Variants in PDE3A observed in about 807,000 individuals in gnomAD.
PDE3A encodes the protein phosphodiesterase 3A.
A neutral mutation model predicts 98.3 loss-of-function variants in PDE3A; 43 were observed. The observed-to-expected ratio is 0.44, with a 90% CI of 0.34 to 0.56. The LOEUF is 0.56. Ranked by LOEUF, PDE3A falls within the 20% of genes least tolerant of loss-of-function variation. The probability of loss-of-function intolerance (pLI) is 0.01; values close to 1 mark genes in which losing one functional copy is unlikely to be tolerated. For synonymous variants in PDE3A, 663 were observed against 567.9 expected (o/e 1.17, Z -2.38); for missense variants, 1,427 against 1,440.7 (o/e 0.99, Z 0.15).
intron 1 of PDE3A, among the ~76,000 whole-genome samples, chr12:20,501,669 T>TA (rs1303740555): frequency 6.6e-6 from 1 of 152,188 alleles, no homozygotes; most frequent in African/African-American, 2.4e-5. Context: ...TGAGTACTTA[T>TA]AAAAAATGAA....
chr12:20,472,054 A>G (rs779787123), intron 1 of PDE3A, among the ~76,000 whole-genome samples: 15 of 152,128 alleles, frequency 9.9e-5, no homozygotes, highest in Non-Finnish European at 1.9e-4. Context: ...CTTAAGGCTT[A>G]TGGTTCCTTG....
intron 1 of PDE3A, among the ~76,000 whole-genome samples, chr12:20,540,424 A>G (rs1459911557): frequency 6.6e-6 from 1 of 152,106 alleles, no homozygotes; most frequent in Non-Finnish European, 1.5e-5. Flanking sequence ...TATACTTTGC[A>G]TATAATTTAT....
chr12:20,552,800 G>T lies in PDE3A; in HGVS notation c.961-3860G>T. ...AGTAAAGTGGAGGAGACGTTCCAGT[G>T]TATCTGCTGTCAGGAGCTGGTGTTC... On this transcript the variant is annotated intron_variant, in intron 1 of 15. Coordinates refer to ENST00000359062, the MANE Select transcript of PDE3A (RefSeq NM_000921.5). The surrounding 1 kb of genome is among the most constrained non-coding windows in gnomAD (Gnocchi z 5.1). 3 of 1,614,024 alleles carry T rather than the reference G, an allele frequency of 1.9e-6. No homozygotes were observed. Among genetic ancestry groups the T allele is most frequent in the Non-Finnish European group, 2.5e-6 (3 of 1,179,892 alleles).
Position 20,601,623 on chromosome 12 carries a change from C to T in PDE3A, c.1012-11820C>T, listed in dbSNP as rs568367905. ...AATATGTCTTATAAAAATTGAGAAACGTAACAACTAAAATGTTTGCAACTT... is the reference window on the plus strand; with the variant it reads ...AATATGTCTTATAAAAATTGAGAAATGTAACAACTAAAATGTTTGCAACTT... On this transcript the variant is annotated intron_variant, in intron 2 of 15. Coordinates refer to ENST00000359062, the MANE Select transcript of PDE3A (RefSeq NM_000921.5). Among the ~76,000 whole-genome samples, 19 of 152,124 alleles carry T rather than the reference C, an allele frequency of 1.2e-4. No individual in the cohort carries two copies. In the East Asian group the frequency reaches 2.3e-3, roughly 19 times the overall value.
At chr12:20,676,498 CTTT>C (rs60887487) in intron 15 of PDE3A, among the ~76,000 whole-genome samples, 4,249 of 109,148 alleles carry the variant, frequency 0.039, 90 homozygotes, top group Middle Eastern at 0.26. Flanking sequence ...ATGTCTTTGA[CTTT>C]TTTTTTTTTT....
intron 15 of PDE3A, among the ~76,000 whole-genome samples, chr12:20,659,215 TTTAATAA>T (rs1325470052): frequency 6.6e-6 from 1 of 152,190 alleles, no homozygotes; most frequent in Non-Finnish European, 1.5e-5. Flanking sequence ...ACTCATTCAA[TTTAATAA>T]TTGTCATTCT....
intron 1 of PDE3A, among the ~76,000 whole-genome samples, chr12:20,440,237 T>G (rs528334775): frequency 6.6e-6 from 1 of 152,260 alleles, no homozygotes; most frequent in Admixed American, 6.5e-5. Flanking sequence ...AAGGAATAGT[T>G]AGGATTTAAT....
At chr12:20,635,088 CT>C in intron 8 of PDE3A, 32 bp downstream of exon 8, 1 of 1,567,960 alleles carries the variant, frequency 6.4e-7, no homozygotes, top group Non-Finnish European at 8.7e-7. Context: ...CACTCATTTA[CT>C]TGAGAGATGA....
rs559631791 is a variant in PDE3A, at chr12:20,684,292, C to A, written c.*4021C>A. ...TGGAAACCTCAATAAGGGTCTTGTC[C>A]TCTTCTGTCATCCTAACCCTGATTC... On this transcript the variant is annotated 3_prime_UTR_variant, in exon 16 of 16. Transcript: ENST00000359062. The A allele has an allele frequency of 6.6e-6, 1 of 152,154 alleles. No individual in the cohort carries two copies. The highest frequency in any genetic ancestry group is 1.5e-5 in the Non-Finnish European group (1 of 67,970). The allele number at this position is 152,154 out of a possible 1,614,324, so 9.4% of individuals were successfully genotyped here.
chr12:20,598,102 T>G (rs1479099531), intron 2 of PDE3A, among the ~76,000 whole-genome samples: 1 of 152,076 alleles, frequency 6.6e-6, no homozygotes, highest in African/African-American at 2.4e-5. Context: ...GTTTGAAAAC[T>G]TTATTATTCG....
intron 1 of PDE3A, among the ~76,000 whole-genome samples, chr12:20,394,607 G>A (rs901465586): frequency 6.6e-6 from 1 of 152,042 alleles, no homozygotes; most frequent in Non-Finnish European, 1.5e-5. Context: ...GATATCAGAT[G>A]CTACATATTC....
chr12:20,373,256 G>T (rs1269335163), intron 1 of PDE3A, among the ~76,000 whole-genome samples: 1 of 152,000 alleles, frequency 6.6e-6, no homozygotes, highest in Non-Finnish European at 1.5e-5. Flanking sequence ...TTTTTTGGCT[G>T]CCAGTGTTAA....
intron 1 of PDE3A, among the ~76,000 whole-genome samples, chr12:20,376,645 T>G (rs1385036502): frequency 2.0e-5 from 3 of 151,914 alleles, no homozygotes; most frequent in Admixed American, 2.0e-4. Flanking sequence ...ATTTTCAATA[T>G]GTTTATTTTT....
chr12:20,506,372 G>A (rs1384271368), intron 1 of PDE3A, among the ~76,000 whole-genome samples: 1 of 151,942 alleles, frequency 6.6e-6, no homozygotes. Flanking sequence ...ATAACAGTCT[G>A]TATAATTTTG....
chr12:20,564,368 T>G (rs1339338882), intron 2 of PDE3A, among the ~76,000 whole-genome samples: 1 of 151,740 alleles, frequency 6.6e-6, no homozygotes, highest in Non-Finnish European at 1.5e-5. Flanking sequence ...CTTGACACTT[T>G]ATGTAGGAAA....
chr12:20,619,219 T>C (rs1360337691), intron 4 of PDE3A, among the ~76,000 whole-genome samples: 1 of 152,040 alleles, frequency 6.6e-6, no homozygotes, highest in East Asian at 1.9e-4. Flanking sequence ...TTTAGTGTAT[T>C]AAGAATGTGA....
At chr12:20,429,184 T>C (rs560320190) in intron 1 of PDE3A, among the ~76,000 whole-genome samples, 61 of 152,196 alleles carry the variant, frequency 4.0e-4, no homozygotes, top group Non-Finnish European at 8.2e-4. Flanking sequence ...ATGAAATACA[T>C]AACATAGTGA....
At chr12:20,377,106 T>C (rs961243621) in intron 1 of PDE3A, among the ~76,000 whole-genome samples, 1 of 151,808 alleles carries the variant, frequency 6.6e-6, no homozygotes, top group African/African-American at 2.4e-5. Context: ...TATGTGCATT[T>C]ATGATTTGTG....
intron 1 of PDE3A, among the ~76,000 whole-genome samples, chr12:20,419,525 A>C (rs1266278796): frequency 6.6e-6 from 1 of 151,624 alleles, no homozygotes; most frequent in African/African-American, 2.4e-5. Context: ...TGTGTTTTTT[A>C]GTTCCAAGGA....
Sources: gnomAD v4.1 joint callset for allele counts (sites outside exome capture counted in the v4.1 genomes callset) on GRCh38, gnomAD v4.1.1 for gene constraint, Gnocchi (gnomAD v3.1) non-coding constraint, MANE v1.5 for transcripts, NCBI Gene and HGNC (gene_info 2026-07-23, HGNC 2026-07-21) for gene names.